The following MAP2K7 variants were observed in gnomAD, a reference collection of about 807,000 sequenced individuals.
MAP2K7 encodes the protein dual specificity mitogen-activated protein kinase kinase 7.
MAP2K7 carries 12 observed loss-of-function variants against 47.7 expected under a neutral mutation model. The observed-to-expected ratio is 0.25, with a 90% CI of 0.16 to 0.41. MAP2K7 has a LOEUF of 0.41. Among genes scored for constraint, MAP2K7 ranks in the 10% least tolerant of loss-of-function variants. The pLI is 1.00. For missense variants in MAP2K7, 415 were observed against 600.3 expected, an observed-to-expected ratio of 0.69 and a Z score of 3.23; for synonymous variants, 299 against 243.0, an observed-to-expected ratio of 1.23 and a Z score of -2.14.
chr19:7,910,467 C>T lies in MAP2K7; in HGVS notation c.462C>T (p.Ser154=), dbSNP rs373551377. Residue 154 remains serine, a synonymous_variant, in exon 5 of 11, where the codon TCC becomes TCT. Coordinates refer to ENST00000397979, the MANE Select transcript of MAP2K7 (RefSeq NM_145185.4). Reference sequence around the variant, plus strand: ...TGCCTGTGCAGCAAATGCGGCGCTCCGGGAACAAGGAGGAGAACAAGCGCA... The same window carrying T: ...TGCCTGTGCAGCAAATGCGGCGCTCTGGGAACAAGGAGGAGAACAAGCGCA... ...HVIAVKQMRR[S]GNKEENKRIL... The T allele has an allele frequency of 6.3e-5, 101 of 1,608,890 alleles. 1 individual carries two copies. The highest frequency in any genetic ancestry group is 5.4e-4 in the South Asian group (49 of 90,434).
rs1267152023 is a variant in MAP2K7, at chr19:7,906,194, CT to C, written c.124+2127del. On this transcript the variant is annotated intron_variant, in intron 1 of 10. Coordinates refer to ENST00000397979, the MANE Select transcript of MAP2K7 (RefSeq NM_145185.4). ...AACTGAGAGAACGAGAAAGTTGGGCCTGGTGGGTGGGTGGCCTGTGCCTATG... is the reference window on the plus strand; with the variant it reads ...AACTGAGAGAACGAGAAAGTTGGGCCGGTGGGTGGGTGGCCTGTGCCTATG... 1.5e-5 allele frequency: 5 copies of C among 341,922 alleles called. No individual in the cohort carries two copies. The East Asian group carries it at 1.6e-4, about 11-fold the overall frequency. The allele number at this position is 341,922 out of a possible 1,614,324, so 21.2% of individuals were successfully genotyped here. A position where few individuals can be genotyped will look rare whatever the true frequency, so the allele number is the denominator to read the frequency against.
intron 1 of MAP2K7, among the ~76,000 whole-genome samples, chr19:7,909,439 G>T (rs1982670768): frequency 6.6e-6 from 1 of 152,210 alleles, no homozygotes; most frequent in Non-Finnish European, 1.5e-5. Context: ...CTGTCAGGGA[G>T]GCCCCCTGGC....
Position 7,911,598 on chromosome 19 carries a change from T to C in MAP2K7, c.1079+20T>C, listed in dbSNP as rs1339055146. 2 of 1,566,950 alleles carry C rather than the reference T, an allele frequency of 1.3e-6. No homozygotes were observed. The highest frequency in any genetic ancestry group is 2.3e-5 in the South Asian group (2 of 88,324). On this transcript the variant is annotated intron_variant, in intron 9 of 10. Coordinates refer to ENST00000397979, the MANE Select transcript of MAP2K7 (RefSeq NM_145185.4). ...AGACTGGTGAGAACCTCCCTCCACTTGGGAGGTCAGGGACAGCCCGCTGCT... is the reference window on the plus strand; with the variant it reads ...AGACTGGTGAGAACCTCCCTCCACTCGGGAGGTCAGGGACAGCCCGCTGCT...
intron 1 of MAP2K7, 48 bp downstream of exon 1, chr19:7,904,116 CGCGCCGCGGGAG>C: frequency 8.4e-7 from 1 of 1,193,344 alleles, no homozygotes. Flanking sequence ...GGGCGGGGCG[CGCGCCGCGGGAG>C]GCCCCGCCCC....
At chr19:7,911,196 G>T in intron 7 of MAP2K7, 37 bp downstream of exon 7, 13 of 1,607,676 alleles carry the variant, frequency 8.1e-6, no homozygotes, top group Non-Finnish European at 1.0e-5. Context: ...GGGGGTGGGG[G>T]CTGGGAGGCC....
intron 9 of MAP2K7, 94 bp from the exon 10 acceptor site, chr19:7,912,055 C>T: frequency 1.7e-6 from 2 of 1,188,790 alleles, no homozygotes; most frequent in African/African-American, 1.5e-5. Context: ...ATCTTGGGGA[C>T]CCCTGGCCCC....
chr19:7,905,731 C>T, intron 1 of MAP2K7: 2 of 1,292,170 alleles, frequency 1.5e-6, no homozygotes, highest in East Asian at 2.3e-5. Context: ...GATTTGATTT[C>T]TTTTCTTTTG....
chr19:7,908,164 C>CAAA lies in MAP2K7; in HGVS notation c.125-1578_125-1576dup, dbSNP rs879174307. Among the ~76,000 whole-genome samples, 53 of 129,190 alleles carry CAAA rather than the reference C, an allele frequency of 4.1e-4. 1 individual carries two copies. Among genetic ancestry groups the CAAA allele is most frequent in the African/African-American group, 9.5e-4 (33 of 34,908 alleles). The allele number at this position is 129,190 out of a possible 152,430, so 84.8% of individuals were successfully genotyped here. ...TGGGTGACAGAGCGAGAACCTATCT[C>CAAA]AAAAAAAAAAAAAAACAGTGGGAGG... On this transcript the variant is annotated intron_variant, in intron 1 of 10. Coordinates refer to ENST00000397979, the MANE Select transcript of MAP2K7 (RefSeq NM_145185.4).
chr19:7,909,319 G>A (rs936239349), intron 1 of MAP2K7, among the ~76,000 whole-genome samples: 1 of 152,254 alleles, frequency 6.6e-6, no homozygotes, highest in African/African-American at 2.4e-5. Context: ...TACCAGCAGA[G>A]CCACAGCCTG....
rs775112625 is a variant in MAP2K7, at chr19:7,912,396, G to A, written c.1225G>A (p.Val409Ile). The A allele has an allele frequency of 9.9e-6, 16 of 1,612,574 alleles. No individual in the cohort carries two copies. Among genetic ancestry groups the A allele is most frequent in the East Asian group, 2.2e-5 (1 of 44,872 alleles). Residue 409 changes from valine to isoleucine, a missense_variant, in exon 11 of 11, where the codon GTC becomes ATC. Physicochemically the swap from Val to Ile is conservative, Grantham distance 29. Transcript: ENST00000397979. ...AKTESPRTSGVLSQPHLPFFR is the reference protein window; with the variant it reads ...AKTESPRTSGILSQPHLPFFR ...GACTGAGTCACCGCGGACTAGCGGCGTCCTGAGCCAGCCCCACCTGCCCTT... is the reference window on the plus strand; with the variant it reads ...GACTGAGTCACCGCGGACTAGCGGCATCCTGAGCCAGCCCCACCTGCCCTT...
rs999953906 is a variant in MAP2K7 at position 7,909,882 on chromosome 19, C to G, written c.252C>G (p.Pro84=). ...GGCTCCCGTCAACCCTGTTCACACC[C>G]CGCAGCATGGAGAGGTGAGCCAGGG... ...MLGLPSTLFT[P]RSMESIEIDQ... is the part of the protein sequence containing the mutation. The change falls in exon 2 of 11, where the codon CCC becomes CCG. Residue 84 remains proline (P), a synonymous_variant. Coordinates refer to ENST00000397979, the MANE Select transcript of MAP2K7 (RefSeq NM_145185.4). 1.3e-6 allele frequency: 2 copies of G among 1,525,460 alleles called. No individual in the cohort carries two copies. Among genetic ancestry groups the G allele is most frequent in the African/African-American group, 2.8e-5 (2 of 72,316 alleles). 94.5% of individuals were successfully genotyped at this position (1,525,460 alleles called of 1,614,324 possible). A position where few individuals can be genotyped will look rare whatever the true frequency, so the allele number is the denominator to read the frequency against.
At chr19:7,907,347 C>G (rs555867824) in intron 1 of MAP2K7, among the ~76,000 whole-genome samples, 1 of 152,158 alleles carries the variant, frequency 6.6e-6, no homozygotes, top group African/African-American at 2.4e-5. Context: ...GACTCTGTCC[C>G]GGCTGCATGG....
intron 4 of MAP2K7, 34 bp downstream of exon 4, chr19:7,910,407 C>A: frequency 1.9e-6 from 3 of 1,603,802 alleles, no homozygotes; most frequent in Non-Finnish European, 2.6e-6. Flanking sequence ...CTGCGCCCCA[C>A]ACCCCAGGCC....
At chr19:7,910,190 G>A (rs745916975) in intron 3 of MAP2K7, 61 bp downstream of exon 3, 7 of 1,597,106 alleles carry the variant, frequency 4.4e-6, no homozygotes, top group Non-Finnish European at 5.1e-6. Flanking sequence ...CCCATCCTGG[G>A]AGCGCCAGTG....
rs931704910 is a variant in MAP2K7, at chr19:7,911,593, C to T, written c.1079+15C>T. 1.9e-6 allele frequency: 3 copies of T among 1,571,462 alleles called. No individual in the cohort carries two copies. In the African/African-American group the frequency reaches 4.1e-5, roughly 21 times the overall value. ...GTCAAAGACTGGTGAGAACCTCCCT[C>T]CACTTGGGAGGTCAGGGACAGCCCG... is the stretch of plus-strand genomic sequence containing the variant. On this transcript the variant is annotated intron_variant, in intron 9 of 10. Coordinates refer to ENST00000397979, the MANE Select transcript of MAP2K7 (RefSeq NM_145185.4).
chr19:7,907,010 A>T (rs1385678811), intron 1 of MAP2K7: 2 of 151,970 alleles, frequency 1.3e-5, no homozygotes, highest in Admixed American at 6.6e-5. Context: ...GCACCATTGC[A>T]CTTCAGCCTG....
At chr19:7,906,377 C>T (rs544735394) in intron 1 of MAP2K7, 50 of 155,666 alleles carry the variant, frequency 3.2e-4, no homozygotes, top group Non-Finnish European at 6.0e-4. Context: ...AGCACATTCC[C>T]ACCAGAGAGA....
rs1263762446 is a variant in MAP2K7 at position 7,910,057 on chromosome 19, C to T, written c.267-6C>T. Reference sequence around the variant, plus strand: ...ACCTCCACCGGCACCTGCTCCATGTCCCCAGCATTGAGATTGACCAGAAGC... The same window carrying T: ...ACCTCCACCGGCACCTGCTCCATGTTCCCAGCATTGAGATTGACCAGAAGC... On this transcript the variant is annotated splice_polypyrimidine_tract_variant and splice_region_variant and intron_variant, in intron 2 of 10. Coordinates refer to ENST00000397979, the MANE Select transcript of MAP2K7 (RefSeq NM_145185.4). 1.3e-6 allele frequency: 2 copies of T among 1,598,820 alleles called. No individual in the cohort carries two copies. Among genetic ancestry groups the T allele is most frequent in the Non-Finnish European group, 1.7e-6 (2 of 1,173,748 alleles).
Position 7,912,170 on chromosome 19 carries a change from G to T in MAP2K7, c.1101G>T (p.Lys367Asn), listed in dbSNP as rs1334645480. Reference protein sequence around the residue: ...VKDCLTKDHRKRPKYNKLLEH... With the variant: ...VKDCLTKDHRNRPKYNKLLEH... ...CTAGCCTTACTAAAGATCACAGGAA[G>T]AGACCAAAGTATAATAAGCTACTTG... Residue 367 changes from lysine (K) to asparagine (N), a missense_variant, in exon 10 of 11, where the codon AAG (lysine) becomes AAT (asparagine). Around this residue, in one of 3 missense-constraint regions of MAP2K7, gnomAD observed 94 missense variants for 105.2 expected, o/e 0.89. Coordinates refer to ENST00000397979, the MANE Select transcript of MAP2K7 (RefSeq NM_145185.4). 2.7e-5 allele frequency: 44 copies of T among 1,614,072 alleles called. No homozygotes were observed. The highest frequency in any genetic ancestry group is 3.6e-5 in the Non-Finnish European group (43 of 1,179,992).
Sources: gnomAD v4.1 joint callset for allele counts (sites outside exome capture counted in the v4.1 genomes callset) on GRCh38, gnomAD v4.1.1 for gene constraint, gnomAD v4.1.1 regional missense constraint, MANE v1.5 for transcripts, NCBI Gene and HGNC (gene_info 2026-07-23, HGNC 2026-07-21) for gene names.